ATAD2B: variants seen among roughly 807,000 people sequenced by gnomAD.
ATAD2B encodes the protein ATPase family AAA domain containing 2B, also known as ATPase family AAA domain-containing protein 2B.
ATAD2B carries 40 observed loss-of-function variants against 167.6 expected under a neutral mutation model. The ratio of observed to expected loss-of-function variants is 0.24; its 90% CI spans 0.19 to 0.31. ATAD2B has a LOEUF of 0.31. Among genes scored for constraint, ATAD2B ranks in the 10% least tolerant of loss-of-function variants. The pLI, the probability that ATAD2B is intolerant of heterozygous loss-of-function variation, is 1.00. For missense variants in ATAD2B, 1,242 were observed against 1,757.2 expected, an observed-to-expected ratio of 0.71 and a Z score of 5.24; for synonymous variants, 579 against 596.5, an observed-to-expected ratio of 0.97 and a Z score of 0.43.
chr2:23,906,372 C>A (rs1701495807), intron 1 of ATAD2B, among the ~76,000 whole-genome samples: 1 of 152,028 alleles, frequency 6.6e-6, no homozygotes, highest in Non-Finnish European at 1.5e-5. Context: ...TTCTGCTACA[C>A]TATTTATAAA....
At chr2:23,828,299 A>G (rs181251724) in intron 15 of ATAD2B, among the ~76,000 whole-genome samples, 1 of 152,188 alleles carries the variant, frequency 6.6e-6, no homozygotes, top group Admixed American at 6.5e-5. Context: ...GTGTTCATTC[A>G]CTCTGTGGGG....
chr2:23,832,121 G>A (rs1028082717), intron 14 of ATAD2B: 10 of 415,726 alleles, frequency 2.4e-5, no homozygotes, highest in Admixed American at 2.1e-4. Context: ...TTAGCAACAC[G>A]TGACATGGTT....
At chr2:23,760,668 A>C (rs1435643283) in intron 24 of ATAD2B, among the ~76,000 whole-genome samples, 4 of 148,660 alleles carry the variant, frequency 2.7e-5, no homozygotes, top group Non-Finnish European at 6.0e-5. Flanking sequence ...TGTCTCAAGA[A>C]AAAAAAAAAA....
In ATAD2B at chr2:23,788,653, C is replaced by G. The variant is rs765442571; in HGVS notation, c.2641-6G>C. On this transcript the variant is annotated splice_region_variant and splice_polypyrimidine_tract_variant and intron_variant, in intron 19 of 27. Coordinates refer to ENST00000238789, the MANE Select transcript of ATAD2B (RefSeq NM_017552.4). ...ATTCTAAAGATACATTTAACCTACA[C>G]ATATACACACACACAAAGACATTAA... 1 of 1,565,660 alleles carries G rather than the reference C, an allele frequency of 6.4e-7. No individual in the cohort carries two copies. Among genetic ancestry groups the G allele is most frequent in the African/African-American group, 1.4e-5 (1 of 73,408 alleles).
intron 10 of ATAD2B, among the ~76,000 whole-genome samples, chr2:23,866,456 T>TAA (rs984909147): frequency 6.6e-6 from 1 of 152,048 alleles, no homozygotes; most frequent in Non-Finnish European, 1.5e-5. Context: ...CAGAGACATC[T>TAA]AAAGTTTACT....
chr2:23,831,264 AATG>A (rs1689031414), intron 14 of ATAD2B, among the ~76,000 whole-genome samples: 13 of 152,204 alleles, frequency 8.5e-5, no homozygotes, highest in Admixed American at 7.9e-4. Flanking sequence ...CAATCATAAA[AATG>A]ATGATAAAGG....
Position 23,888,338 on chromosome 2 carries a change from T to G in ATAD2B, c.418+12A>C. 2 of 1,564,298 alleles carry G rather than the reference T, an allele frequency of 1.3e-6. No homozygotes were observed. The highest frequency in any genetic ancestry group is 1.2e-5 in the South Asian group (1 of 84,514). On this transcript the variant is annotated intron_variant, in intron 3 of 27. Coordinates refer to ENST00000238789, the MANE Select transcript of ATAD2B (RefSeq NM_017552.4). ...ATTTTAAAACTAACCAGTTTTATAA[T>G]AGAATACTCACATAAGCCACTATGT...
At chr2:23,682,264 G>A in the ATAD2B span, among the ~76,000 whole-genome samples, 52 of 152,146 alleles carry the variant, frequency 3.4e-4, no homozygotes, top group Non-Finnish European at 5.9e-4. This position sits in a 1 kb window ranked among gnomAD's most constrained non-coding sequence, Gnocchi z 4.1. Flanking sequence ...CCCGCTGAGC[G>A]CTCCCTGTGT....
chr2:23,717,377 C>G, the ATAD2B span, among the ~76,000 whole-genome samples: 1 of 151,864 alleles, frequency 6.6e-6, no homozygotes, highest in Admixed American at 6.6e-5. Flanking sequence ...TGTGAATCCT[C>G]AAAACTAACC....
chr2:23,686,177 G>T, the ATAD2B span, among the ~76,000 whole-genome samples: 1 of 152,186 alleles, frequency 6.6e-6, no homozygotes, highest in Non-Finnish European at 1.5e-5. Flanking sequence ...CTCCAGAGGG[G>T]GCTGCACTGG....
intron 10 of ATAD2B, among the ~76,000 whole-genome samples, chr2:23,865,566 A>C (rs995672269): frequency 5.9e-5 from 9 of 151,996 alleles, no homozygotes; most frequent in Admixed American, 2.0e-4. Context: ...CTTTAAAAAT[A>C]TATAATTATT....
At chr2:23,887,739 T>G in intron 4 of ATAD2B, 93 bp downstream of exon 4, 1 of 1,167,776 alleles carries the variant, frequency 8.6e-7, no homozygotes, top group Non-Finnish European at 1.2e-6. Context: ...ACTGTATTGA[T>G]TGCTAAGTCG....
chr2:23,918,301 G>A (rs1052120088), intron 1 of ATAD2B, among the ~76,000 whole-genome samples: 2 of 151,742 alleles, frequency 1.3e-5, no homozygotes, highest in African/African-American at 4.8e-5. Flanking sequence ...AACTCAGGAG[G>A]TCAAGGCTGC....
Position 23,752,010 on chromosome 2 carries a change from C to G in ATAD2B, c.*36G>C. The G allele has an allele frequency of 6.7e-7, 1 of 1,499,652 alleles. No individual in the cohort carries two copies. The highest frequency in any genetic ancestry group is 1.4e-5 in the African/African-American group (1 of 72,130). The allele number at this position is 1,499,652 out of a possible 1,614,324, so 92.9% of individuals were successfully genotyped here. A position where few individuals can be genotyped will look rare whatever the true frequency, so the allele number is the denominator to read the frequency against. ...GCTCAGAAGACTGCTCTGTGAGGAGCAGATTGGAGAGGATAAACCACTCAT... is the reference window on the plus strand; with the variant it reads ...GCTCAGAAGACTGCTCTGTGAGGAGGAGATTGGAGAGGATAAACCACTCAT... On this transcript the variant is annotated 3_prime_UTR_variant, in exon 28 of 28. Coordinates refer to ENST00000238789, the MANE Select transcript of ATAD2B (RefSeq NM_017552.4).
chr2:23,739,838 A>C, the ATAD2B span, among the ~76,000 whole-genome samples: 1 of 152,196 alleles, frequency 6.6e-6, no homozygotes, highest in Non-Finnish European at 1.5e-5. Context: ...AGAAGAATCA[A>C]ATAGATGCAA....
chr2:23,738,840 A>C, the ATAD2B span, among the ~76,000 whole-genome samples: 2 of 152,212 alleles, frequency 1.3e-5, no homozygotes, highest in Admixed American at 1.3e-4. Context: ...GCTCAAAATA[A>C]AGGGATGGAG....
the ATAD2B span, among the ~76,000 whole-genome samples, chr2:23,699,384 A>AGAT: frequency 2.6e-5 from 4 of 152,330 alleles, no homozygotes; most frequent in South Asian, 4.1e-4. Flanking sequence ...GGTGGGCGGT[A>AGAT]GATGTGTCCC....
At chr2:23,783,059 CCA>C (rs1558525756) in intron 21 of ATAD2B, 31 bp from the exon 22 acceptor site, 3 of 1,268,756 alleles carry the variant, frequency 2.4e-6, no homozygotes, top group Non-Finnish European at 3.2e-6. Context: ...AAAATTACTT[CCA>C]GTTTTTCACA....
intron 14 of ATAD2B, chr2:23,832,337 A>G (rs1047883797): frequency 1.3e-5 from 5 of 383,554 alleles, no homozygotes; most frequent in Non-Finnish European, 2.1e-5. Flanking sequence ...GAGAAGAATG[A>G]CTTAGATTTC....
Sources: allele counts gnomAD v4.1 joint callset (sites outside exome capture counted in the v4.1 genomes callset), GRCh38; gene constraint gnomAD v4.1.1; non-coding constraint Gnocchi (gnomAD v3.1); transcripts MANE v1.5; gene names NCBI Gene and HGNC (gene_info 2026-07-23, HGNC 2026-07-21).